The following ZNF772 variants were observed in gnomAD, a reference collection of about 807,000 sequenced individuals.
ZNF772 encodes the protein zinc finger protein 772.
Under a neutral mutation model 11.0 loss-of-function variants are expected in ZNF772, and 8 were observed. That is an observed-to-expected ratio of 0.73 (90% CI 0.43 to 1.31). ZNF772 has a LOEUF of 1.31. Among genes scored for constraint, ZNF772 ranks in the 50% most tolerant of loss-of-function variants. The pLI is 0.01. For synonymous variants in ZNF772, 155 were observed against 180.4 expected (o/e 0.86, Z 1.13); for missense variants, 496 against 552.3 (o/e 0.90, Z 1.02).
chr19:57,473,959 C>A lies in ZNF772; in HGVS notation c.662G>T (p.Gly221Val), dbSNP rs748962139. ...TTCACTGCATTTGTAATGCCTTTTTCCACAGTGAGAGGCCTCCTCACACTT... is the reference window on the plus strand; with the variant it reads ...TTCACTGCATTTGTAATGCCTTTTTACACAGTGAGAGGCCTCCTCACACTT... Reference protein sequence around the residue: ...NTKCEEASHCGKRHYKCSECG... With the variant: ...NTKCEEASHCVKRHYKCSECG... The change falls in exon 4 of 4, where the codon GGA becomes GTA. Residue 221 changes from glycine to valine, a missense_variant. By Grantham distance (109) the Gly-to-Val change is moderately radical. Coordinates refer to ENST00000356584, the MANE Select transcript of ZNF772 (RefSeq NM_001144068.2). 4 of 1,614,200 alleles carry A rather than the reference C, an allele frequency of 2.5e-6. No homozygotes were observed. Among genetic ancestry groups the A allele is most frequent in the Non-Finnish European group, 3.4e-6 (4 of 1,180,042 alleles).
At chr19:57,474,910 G>T in intron 3 of ZNF772, 1 of 1,477,184 alleles carries the variant, frequency 6.8e-7, no homozygotes. Context: ...GAGGCCAAAG[G>T]CCAGAGTATG....
rs1192117538 is a variant in ZNF772 at position 57,473,353 on chromosome 19, C to T, written c.1268G>A (p.Cys423Tyr). Residue 423 changes from cysteine to tyrosine, a missense_variant, in exon 4 of 4, where the codon TGC becomes TAC. Coordinates refer to ENST00000356584, the MANE Select transcript of ZNF772 (RefSeq NM_001144068.2). ...RIHTGERPYK[C>Y]SECGKAFRQR... is the part of the protein sequence containing the mutation. Reference sequence around the variant, plus strand: ...CCTGAAGGCCTTCCCACATTCACTGCACTTATATGGCCTTTCTCCAGTGTG... The same window carrying T: ...CCTGAAGGCCTTCCCACATTCACTGTACTTATATGGCCTTTCTCCAGTGTG... 1 of 1,614,226 alleles carries T rather than the reference C, an allele frequency of 6.2e-7. No individual in the cohort carries two copies. Among genetic ancestry groups the T allele is most frequent in the South Asian group, 1.1e-5 (1 of 91,084 alleles).
Position 57,477,449 on chromosome 19 carries a change from T to A in ZNF772, c.-140A>T, listed in dbSNP as rs1170273988. The A allele has an allele frequency of 1.2e-6, 1 of 810,906 alleles. No individual in the cohort carries two copies. The highest frequency in any genetic ancestry group is 1.9e-6 in the Non-Finnish European group (1 of 513,672). 50.2% of individuals were successfully genotyped at this position (810,906 alleles called of 1,614,324 possible). ...CACCTCTCTTCAGGGAAGAAGACAC[T>A]CTCTCACGTTTTCCCTTTTCTGTCA... On this transcript the variant is annotated 5_prime_UTR_variant, in exon 1 of 4. Transcript: ENST00000356584.
intron 2 of ZNF772, 56 bp downstream of exon 2, chr19:57,476,578 G>A: frequency 1.3e-6 from 2 of 1,580,650 alleles, no homozygotes; most frequent in Non-Finnish European, 1.7e-6. Flanking sequence ...CCACAATGCT[G>A]GAGAGCGTAT....
chr19:57,473,557 T>A lies in ZNF772; in HGVS notation c.1064A>T (p.His355Leu). ...CCTTGCTCCAGTATGAACACTCCAA[T>A]GTTTAATGAGTCTGTATTTGTGACC... ...YFGHKYRLIK[H>L]WSVHTGARPY... The change falls in exon 4 of 4, where the codon CAT becomes CTT. Residue 355 changes from histidine (H) to leucine (L), a missense_variant. By Grantham distance (99) the His-to-Leu change is moderately conservative. Coordinates refer to ENST00000356584, the MANE Select transcript of ZNF772 (RefSeq NM_001144068.2). 1 of 1,613,298 alleles carries A rather than the reference T, an allele frequency of 6.2e-7. No homozygotes were observed. The highest frequency in any genetic ancestry group is 8.5e-7 in the Non-Finnish European group (1 of 1,179,276).
chr19:57,475,157 GATAGA>G lies in ZNF772; in HGVS notation c.199+498_199+502del. ...TGAAAGATGTATGTCCTAAGGGAAA[GATAGA>G]ACAGCACTGGTCTGGGTAACCCATA... On this transcript the variant is annotated intron_variant, in intron 3 of 3. Transcript: ENST00000356584. The surrounding 1 kb of genome is among the most constrained non-coding windows in gnomAD (Gnocchi z 4.2). The G allele has an allele frequency of 6.2e-7, 1 of 1,614,110 alleles. No homozygotes were observed.
chr19:57,476,499 G>T, intron 2 of ZNF772, 135 bp downstream of exon 2: 3 of 1,091,064 alleles, frequency 2.7e-6, no homozygotes, highest in Non-Finnish European at 4.2e-6. Flanking sequence ...AGGACCCTGG[G>T]CTTGGGGCTT....
In ZNF772 at chr19:57,473,319, A is replaced by G; in HGVS notation, c.1302T>C (p.Ala434=). The G allele has an allele frequency of 6.2e-7, 1 of 1,613,866 alleles. No individual in the cohort carries two copies. The highest frequency in any genetic ancestry group is 8.5e-7 in the Non-Finnish European group (1 of 1,179,790). ...GAATTTTCCAGTGGCGGATGAGGGA[A>G]GCCCTCTGCCTGAAGGCCTTCCCAC... ...SECGKAFRQR[A]SLIRHWKIHT... Residue 434 remains alanine (A), a synonymous_variant, in exon 4 of 4, where the codon GCT becomes GCC. Coordinates refer to ENST00000356584, the MANE Select transcript of ZNF772 (RefSeq NM_001144068.2).
rs111988613 is a variant in ZNF772 at position 57,470,837 on chromosome 19, T to C, written c.*2437A>G. 2.1e-3 allele frequency: 319 copies of C among 152,276 alleles called. No individual in the cohort carries two copies. Among genetic ancestry groups the C allele is most frequent in the African/African-American group, 6.8e-3 (284 of 41,556 alleles). The allele number at this position is 152,276 out of a possible 1,614,324, so 9.4% of individuals were successfully genotyped here. A position where few individuals can be genotyped will look rare whatever the true frequency, so the allele number is the denominator to read the frequency against. On this transcript the variant is annotated 3_prime_UTR_variant, in exon 4 of 4. Coordinates refer to ENST00000356584, the MANE Select transcript of ZNF772 (RefSeq NM_001144068.2). ...CATCAAAGCTCACTCTAGAGATAGA[T>C]GGATGGATGGAGTGACAAACAGATG...
In ZNF772 at chr19:57,477,461, TC is replaced by T; in HGVS notation, c.-153del. On this transcript the variant is annotated 5_prime_UTR_variant, in exon 1 of 4. Transcript: ENST00000356584. ...GGGAAGAAGACACTCTCTCACGTTT[TC>T]CCTTTTCTGTCACCTCAGGTCTGAC... 3 of 739,216 alleles carry T rather than the reference TC, an allele frequency of 4.1e-6. No homozygotes were observed. The highest frequency in any genetic ancestry group is 4.4e-6 in the Non-Finnish European group (2 of 456,640). The allele number at this position is 739,216 out of a possible 1,614,324, so 45.8% of individuals were successfully genotyped here. A position where few individuals can be genotyped will look rare whatever the true frequency, so the allele number is the denominator to read the frequency against.
Position 57,472,225 on chromosome 19 carries a change from T to C in ZNF772, c.*1049A>G, listed in dbSNP as rs1336367287. On this transcript the variant is annotated 3_prime_UTR_variant, in exon 4 of 4. Coordinates refer to ENST00000356584, the MANE Select transcript of ZNF772 (RefSeq NM_001144068.2). ...TTAATCTGGGTTTCTGCACCAACTA[T>C]GATTCCTACCTGGGCCTTCTGGAGG... is the stretch of plus-strand genomic sequence containing the variant. 2 of 455,112 alleles carry C rather than the reference T, an allele frequency of 4.4e-6. No homozygotes were observed. Among genetic ancestry groups the C allele is most frequent in the Non-Finnish European group, 8.8e-6 (2 of 226,550 alleles). The allele number at this position is 455,112 out of a possible 1,614,324, so 28.2% of individuals were successfully genotyped here.
Position 57,473,199 on chromosome 19 carries a change from C to T in ZNF772, c.*75G>A. On this transcript the variant is annotated 3_prime_UTR_variant, in exon 4 of 4. Transcript: ENST00000356584. ...GTTCTACTTCTGGCTGTCGGCTACA[C>T]ATAAAGGCTATGCTTGGAGCTTCTC... The T allele has an allele frequency of 6.9e-7, 1 of 1,448,848 alleles. No homozygotes were observed. The highest frequency in any genetic ancestry group is 9.4e-7 in the Non-Finnish European group (1 of 1,067,466). 89.7% of individuals were successfully genotyped at this position (1,448,848 alleles called of 1,614,324 possible).
rs1600121453 is a variant in ZNF772, at chr19:57,476,305, C to T, written c.72+329G>A. The T allele has an allele frequency of 1.3e-5, 5 of 387,906 alleles. No homozygotes were observed. The East Asian group carries it at 1.9e-4, about 15-fold the overall frequency. 24.0% of individuals were successfully genotyped at this position (387,906 alleles called of 1,614,324 possible). On this transcript the variant is annotated intron_variant, in intron 2 of 3. Transcript: ENST00000356584. ...CTTTAAGCCATTTCAGGATGATTCC[C>T]GCCCCCTTGCTCTTGGTTCCCACCA...
intron 2 of ZNF772, chr19:57,476,285 A>C: frequency 2.8e-6 from 1 of 359,186 alleles, no homozygotes; most frequent in South Asian, 3.7e-5. Context: ...ATCATCTTTA[A>C]GCCATTTCAG....
In ZNF772 at chr19:57,472,027, T is replaced by C. The variant is rs554779273; in HGVS notation, c.*1247A>G. 3 of 431,722 alleles carry C rather than the reference T, an allele frequency of 6.9e-6. No homozygotes were observed. The highest frequency in any genetic ancestry group is 2.0e-5 in the African/African-American group (1 of 48,804). 26.7% of individuals were successfully genotyped at this position (431,722 alleles called of 1,614,324 possible). A position where few individuals can be genotyped will look rare whatever the true frequency, so the allele number is the denominator to read the frequency against. ...GTACACTATAAATATGTGCAGTTTATTGCAAAAATGTTTAGACTGACTTCT... is the reference window on the plus strand; with the variant it reads ...GTACACTATAAATATGTGCAGTTTACTGCAAAAATGTTTAGACTGACTTCT... On this transcript the variant is annotated 3_prime_UTR_variant, in exon 4 of 4. Transcript: ENST00000356584.
chr19:57,476,382 C>G (rs2089283469), intron 2 of ZNF772: 1 of 530,586 alleles, frequency 1.9e-6, no homozygotes, highest in Non-Finnish European at 3.4e-6. Flanking sequence ...AGTCTCACCT[C>G]TAAGTATTTT....
chr19:57,476,260 C>G, intron 2 of ZNF772: 3 of 315,562 alleles, frequency 9.5e-6, no homozygotes, highest in Non-Finnish European at 1.8e-5. Context: ...TCTCTTTTAA[C>G]TCCCAATCTA....
In ZNF772 at chr19:57,473,872, T is replaced by TGAGTC. The variant is rs1247873814; in HGVS notation, c.748_749insGACTC (p.Glu250GlyfsTer224). On this transcript the variant is annotated frameshift_variant, in exon 4 of 4. Coordinates refer to ENST00000356584, the MANE Select transcript of ZNF772 (RefSeq NM_001144068.2). LOFTEE classifies it low-confidence loss of function (END_TRUNC). ...ACATTCACCGCACTCATAAGGCCTT[T>TGAGTC]CTCCAGTGTGGACTCTCTGGTGTTG... The TGAGTC allele has an allele frequency of 1.3e-5, 21 of 1,614,134 alleles. No individual in the cohort carries two copies. The highest frequency in any genetic ancestry group is 1.8e-5 in the Non-Finnish European group (21 of 1,180,012).
In ZNF772 at chr19:57,470,834, A is replaced by G. The variant is rs892318514; in HGVS notation, c.*2440T>C. On this transcript the variant is annotated 3_prime_UTR_variant, in exon 4 of 4. Transcript: ENST00000356584. ...AACCATCAAAGCTCACTCTAGAGAT[A>G]GATGGATGGATGGAGTGACAAACAG... The G allele has an allele frequency of 6.6e-6, 1 of 152,210 alleles. No individual in the cohort carries two copies. Among genetic ancestry groups the G allele is most frequent in the Non-Finnish European group, 1.5e-5 (1 of 68,022 alleles). The allele number at this position is 152,210 out of a possible 1,614,324, so 9.4% of individuals were successfully genotyped here.
Sources: gnomAD v4.1 joint callset for allele counts on GRCh38, gnomAD v4.1.1 for gene constraint, Gnocchi (gnomAD v3.1) non-coding constraint, MANE v1.5 for transcripts, NCBI Gene and HGNC (gene_info 2026-07-23, HGNC 2026-07-21) for gene names.